The following SPATS2 variants were observed in gnomAD, a reference collection of about 807,000 sequenced individuals.
The protein encoded by SPATS2 is spermatogenesis-associated serine-rich protein 2.
Under a neutral mutation model 63.7 loss-of-function variants are expected in SPATS2, and 38 were observed. The observed-to-expected ratio is 0.60, with a 90% CI of 0.46 to 0.78. SPATS2 has a LOEUF of 0.78. Ranked by LOEUF, SPATS2 falls within the 30% of genes least tolerant of loss-of-function variation. SPATS2 has a pLI of 0.00. For synonymous variants in SPATS2, 207 were observed against 232.9 expected (o/e 0.89, Z 1.01); for missense variants, 588 against 666.2 (o/e 0.88, Z 1.29).
chr12:49,376,578 A>G (rs954925953), intron 2 of SPATS2, among the ~76,000 whole-genome samples: 1 of 151,248 alleles, frequency 6.6e-6, no homozygotes, highest in African/African-American at 2.4e-5. Flanking sequence ...TAAATTTTTT[A>G]TAGAGACAGG....
chr12:49,438,408 T>C (rs1945355981), intron 2 of SPATS2, among the ~76,000 whole-genome samples: 1 of 152,256 alleles, frequency 6.6e-6, no homozygotes, highest in Non-Finnish European at 1.5e-5. Flanking sequence ...AATATTCTTA[T>C]TTGTAGCCAT....
intron 8 of SPATS2, among the ~76,000 whole-genome samples, chr12:49,498,712 G>T (rs1220740613): frequency 1.3e-5 from 2 of 150,908 alleles, no homozygotes; most frequent in Non-Finnish European, 3.0e-5. Context: ...AAGTTCAACT[G>T]GGGTCTTTTA....
At chr12:49,412,444 G>A (rs574849935) in intron 2 of SPATS2, among the ~76,000 whole-genome samples, 44 of 152,096 alleles carry the variant, frequency 2.9e-4, no homozygotes, top group African/African-American at 9.6e-4. Flanking sequence ...TCGGGTGATC[G>A]GCCTGCCTTG....
intron 9 of SPATS2, among the ~76,000 whole-genome samples, chr12:49,510,445 T>C (rs1196529156): frequency 1.4e-5 from 2 of 145,426 alleles, no homozygotes; most frequent in Non-Finnish European, 3.0e-5. Flanking sequence ...GTGCCTGTAG[T>C]CCCAGCTACT....
chr12:49,438,331 A>G (rs1004262066), intron 2 of SPATS2, among the ~76,000 whole-genome samples: 25 of 152,172 alleles, frequency 1.6e-4, no homozygotes, highest in Admixed American at 1.6e-3. Context: ...AATTATATCA[A>G]TATACCACAA....
At position 49,524,777 on chromosome 12, in the gene SPATS2, T is replaced by C; in HGVS notation, c.1207T>C (p.Ser403Pro). Residue 403 changes from serine to proline, a missense_variant, in exon 13 of 14, where the codon TCT (serine) becomes CCT (proline). By Grantham distance (74) the Ser-to-Pro change is moderately conservative (BLOSUM62 -1). Coordinates refer to ENST00000552918, the MANE Select transcript of SPATS2 (RefSeq NM_023071.4). ...SSPSDASAAS[S>P]STCASPPSLT... Reference sequence around the variant, plus strand: ...CCCAAGTGATGCCTCTGCTGCTTCCTCTTCCACCTGTGCCTCTCCTCCCAG... The same window carrying C: ...CCCAAGTGATGCCTCTGCTGCTTCCCCTTCCACCTGTGCCTCTCCTCCCAG... 6.2e-7 allele frequency: 1 copy of C among 1,614,216 alleles called. No individual in the cohort carries two copies. Among genetic ancestry groups the C allele is most frequent in the Non-Finnish European group, 8.5e-7 (1 of 1,180,046 alleles).
chr12:49,368,810 G>A (rs997843817), intron 1 of SPATS2, among the ~76,000 whole-genome samples: 58 of 152,184 alleles, frequency 3.8e-4, no homozygotes, highest in African/African-American at 1.3e-3. Flanking sequence ...AGTAGTCCAT[G>A]TTAAGCCTTT....
chr12:49,448,712 C>CAAAAA (rs780015868), intron 2 of SPATS2, among the ~76,000 whole-genome samples: 1 of 58,312 alleles, frequency 1.7e-5, no homozygotes, highest in Non-Finnish European at 3.6e-5. Flanking sequence ...GACCCTGTCT[C>CAAAAA]AAAAAAAAAA....
intron 4 of SPATS2, among the ~76,000 whole-genome samples, chr12:49,487,463 T>C (rs987303700): frequency 2.6e-5 from 4 of 152,092 alleles, no homozygotes; most frequent in Non-Finnish European, 5.9e-5. Flanking sequence ...ACTCCAACCT[T>C]GACAGAGTGA....
At chr12:49,390,142 G>GGACTCAAGACCA in intron 2 of SPATS2, 1 of 1,542,436 alleles carries the variant, frequency 6.5e-7, no homozygotes, top group Non-Finnish European at 8.9e-7. Flanking sequence ...GACCAACAGT[G>GGACTCAAGACCA]ACTTGAGTCT....
chr12:49,509,471 A>G (rs1041077078), intron 9 of SPATS2, among the ~76,000 whole-genome samples: 1 of 151,646 alleles, frequency 6.6e-6, no homozygotes, highest in Non-Finnish European at 1.5e-5. Context: ...GTTTCATCAT[A>G]TTGGCCAGGC....
At chr12:49,496,655 C>T (rs1037840497) in intron 7 of SPATS2, among the ~76,000 whole-genome samples, 178 bp from the exon 8 acceptor site, 2 of 152,164 alleles carry the variant, frequency 1.3e-5, no homozygotes, top group Non-Finnish European at 2.9e-5. Context: ...CCGAAGCTGC[C>T]GATAGCCATA....
intron 9 of SPATS2, among the ~76,000 whole-genome samples, chr12:49,513,750 ATAC>A (rs1946791489): frequency 1.3e-5 from 2 of 152,248 alleles, no homozygotes; most frequent in Non-Finnish European, 2.9e-5. Context: ...TGTTGAAGAC[ATAC>A]AAGTCCTAAT....
chr12:49,458,011 A>G (rs1160663069), intron 2 of SPATS2, among the ~76,000 whole-genome samples: 3 of 152,108 alleles, frequency 2.0e-5, no homozygotes, highest in Non-Finnish European at 4.4e-5. Flanking sequence ...AATATTTTTT[A>G]AAACTTTCGC....
chr12:49,495,444 G>A (rs561428115), intron 7 of SPATS2, among the ~76,000 whole-genome samples: 5 of 152,066 alleles, frequency 3.3e-5, no homozygotes, highest in Non-Finnish European at 7.4e-5. Flanking sequence ...TGATCCACCC[G>A]CCTCAGCCAC....
intron 2 of SPATS2, among the ~76,000 whole-genome samples, chr12:49,412,297 C>T (rs1040572685): frequency 3.3e-5 from 5 of 151,862 alleles, no homozygotes; most frequent in African/African-American, 9.7e-5. Context: ...TGGGTTCAAG[C>T]GATTTTCCTG....
chr12:49,455,052 A>G (rs1339890034), intron 2 of SPATS2, among the ~76,000 whole-genome samples: 1 of 152,134 alleles, frequency 6.6e-6, no homozygotes, highest in Non-Finnish European at 1.5e-5. Flanking sequence ...ATACGATTTC[A>G]TAAACTAAAG....
intron 3 of SPATS2, among the ~76,000 whole-genome samples, chr12:49,477,707 A>G (rs1445033927): frequency 2.6e-5 from 4 of 152,226 alleles, no homozygotes; most frequent in African/African-American, 9.7e-5. Context: ...CTATAGTAAT[A>G]TTAATTAAAG....
intron 2 of SPATS2, among the ~76,000 whole-genome samples, chr12:49,438,613 A>T (rs1048694661): frequency 6.6e-5 from 10 of 152,200 alleles, no homozygotes; most frequent in Non-Finnish European, 1.2e-4. Context: ...TTTTTAAAAA[A>T]TTTTAGCCTT....
Sources: allele counts gnomAD v4.1 joint callset (sites outside exome capture counted in the v4.1 genomes callset), GRCh38; gene constraint gnomAD v4.1.1; transcripts MANE v1.5; gene names NCBI Gene and HGNC (gene_info 2026-07-23, HGNC 2026-07-21).